Variants in MAPT observed in about 807,000 individuals in gnomAD.
MAPT encodes microtubule-associated protein tau.
A neutral mutation model predicts 67.9 loss-of-function variants in MAPT; 34 were observed. That is an observed-to-expected ratio of 0.50 (90% CI 0.38 to 0.67). MAPT has a LOEUF of 0.67. Ranked by LOEUF, MAPT falls within the 30% of genes least tolerant of loss-of-function variation. MAPT has a pLI of 0.00. For synonymous variants in MAPT, 456 were observed against 464.5 expected, an observed-to-expected ratio of 0.98 and a Z score of 0.23; for missense variants, 881 against 1,115.2, an observed-to-expected ratio of 0.79 and a Z score of 2.99.
At chr17:45,942,060 T>C (rs566863848) in intron 1 of MAPT, among the ~76,000 whole-genome samples, 86 of 152,252 alleles carry the variant, frequency 5.6e-4, no homozygotes, top group African/African-American at 2.0e-3. Flanking sequence ...TTCATCTGAT[T>C]GTAAACATAA....
intron 2 of MAPT, among the ~76,000 whole-genome samples, chr17:45,966,701 G>A (rs534462590): frequency 2.0e-4 from 30 of 152,308 alleles, no homozygotes; most frequent in African/African-American, 7.0e-4. Context: ...CCAAGTTAGT[G>A]TTTGAGTTGC....
intron 11 of MAPT, among the ~76,000 whole-genome samples, chr17:46,016,220 C>G (rs1169640554): frequency 6.6e-6 from 1 of 152,036 alleles, no homozygotes; most frequent in East Asian, 1.9e-4. Flanking sequence ...GGCGAAACCC[C>G]ATGTCTACTA....
intron 1 of MAPT, among the ~76,000 whole-genome samples, chr17:45,930,812 G>T (rs918742457): frequency 2.0e-5 from 3 of 152,096 alleles, no homozygotes; most frequent in African/African-American, 7.2e-5. Flanking sequence ...CTTTGTCATG[G>T]CTGCCCAGTC....
chr17:45,904,081 T>A (rs1282249034), intron 1 of MAPT, among the ~76,000 whole-genome samples: 35 of 36,014 alleles, frequency 9.7e-4, no homozygotes, highest in African/African-American at 2.6e-3. Context: ...TATTTATATA[T>A]TATATATTTA....
chr17:46,009,854 G>A (rs1424854795), intron 9 of MAPT, among the ~76,000 whole-genome samples: 16 of 152,208 alleles, frequency 1.1e-4, no homozygotes, highest in African/African-American at 3.4e-4. Context: ...GAGAACAGCC[G>A]CAGGGAGTTC....
At chr17:45,989,562 A>G (rs1327645563) in intron 6 of MAPT, among the ~76,000 whole-genome samples, 2 of 152,132 alleles carry the variant, frequency 1.3e-5, no homozygotes, top group African/African-American at 4.8e-5. Flanking sequence ...GAGGCAGGAG[A>G]ATGGCGTGAA....
intron 8 of MAPT, among the ~76,000 whole-genome samples, chr17:45,994,130 C>T (rs2074288600): frequency 6.6e-6 from 1 of 152,184 alleles, no homozygotes; most frequent in Non-Finnish European, 1.5e-5. Context: ...AATTCTCTTC[C>T]CTGTGCAGTT....
intron 1 of MAPT, among the ~76,000 whole-genome samples, chr17:45,942,227 A>C (rs966376789): frequency 6.6e-6 from 1 of 152,152 alleles, no homozygotes; most frequent in Non-Finnish European, 1.5e-5. Flanking sequence ...TTCTTTTCTT[A>C]TGTATAAAAA....
chr17:45,907,487 C>CT (rs2064405054), intron 1 of MAPT, among the ~76,000 whole-genome samples: 1 of 152,168 alleles, frequency 6.6e-6, no homozygotes, highest in Admixed American at 6.5e-5. Context: ...TCTTATGTGA[C>CT]TTTCCTTCTC....
intron 2 of MAPT, among the ~76,000 whole-genome samples, chr17:45,968,392 G>C (rs1195853451): frequency 6.6e-6 from 1 of 152,076 alleles, no homozygotes; most frequent in African/African-American, 2.4e-5. Flanking sequence ...CTTCTTATCA[G>C]CCACCCCTGT....
intron 1 of MAPT, chr17:45,898,770 C>T (rs2063433916): frequency 1.3e-5 from 2 of 152,264 alleles, no homozygotes; most frequent in East Asian, 1.9e-4. Flanking sequence ...TAAAAACAGC[C>T]GTAGGGGCCT....
At chr17:45,934,466 TTTTAA>T (rs771664466) in intron 1 of MAPT, among the ~76,000 whole-genome samples, 23 of 152,018 alleles carry the variant, frequency 1.5e-4, no homozygotes, top group Non-Finnish European at 2.2e-4. Flanking sequence ...ATCATGTGGG[TTTTAA>T]TTTAACTTTA....
At chr17:45,918,165 C>T (rs2065371423) in intron 1 of MAPT, among the ~76,000 whole-genome samples, 1 of 152,222 alleles carries the variant, frequency 6.6e-6, no homozygotes, top group African/African-American at 2.4e-5. Flanking sequence ...ACTATTAGCA[C>T]AAAAACTGCT....
At chr17:45,948,312 G>GCT (rs112947543) in intron 1 of MAPT, among the ~76,000 whole-genome samples, 21,801 of 152,094 alleles carry the variant, frequency 0.14, 2,134 homozygotes, top group Non-Finnish European at 0.22. Flanking sequence ...GCCCTCCTGG[G>GCT]CTCTTTTCCT....
At chr17:45,972,932 A>T (rs913106988) in intron 3 of MAPT, 2 of 152,264 alleles carry the variant, frequency 1.3e-5, no homozygotes, top group Non-Finnish European at 2.9e-5. Flanking sequence ...TTTGCCGTCC[A>T]ACCTCTTTAG....
intron 2 of MAPT, among the ~76,000 whole-genome samples, chr17:45,970,065 C>G (rs2071498681): frequency 6.7e-6 from 1 of 149,598 alleles, no homozygotes; most frequent in Non-Finnish European, 1.5e-5. Flanking sequence ...TCCATCCATC[C>G]ATCCATTCAT....
At chr17:46,014,132 C>T (rs1017205936) in intron 10 of MAPT, 111 bp from the exon 11 acceptor site, 3 of 725,724 alleles carry the variant, frequency 4.1e-6, no homozygotes, top group Non-Finnish European at 7.5e-6. Context: ...TACACAGCTG[C>T]TTCTCATTGA....
At chr17:45,953,440 C>G (rs918466401) in intron 1 of MAPT, among the ~76,000 whole-genome samples, 2 of 152,222 alleles carry the variant, frequency 1.3e-5, no homozygotes, top group Non-Finnish European at 2.9e-5. Context: ...ATCAGAAGGT[C>G]CATGAACCTA....
intron 8 of MAPT, among the ~76,000 whole-genome samples, chr17:45,992,994 G>A (rs986449493): frequency 1.3e-5 from 2 of 152,094 alleles, no homozygotes; most frequent in African/African-American, 4.8e-5. Context: ...AAGTATTCCA[G>A]GCCCCTGGGT....
Sources: allele counts gnomAD v4.1 joint callset (sites outside exome capture counted in the v4.1 genomes callset), GRCh38; gene constraint gnomAD v4.1.1; transcripts MANE v1.5; gene names NCBI Gene and HGNC (gene_info 2026-07-23, HGNC 2026-07-21).